EXOC4: variants seen among roughly 807,000 people sequenced by gnomAD.
EXOC4 encodes SEC8-like 1.
EXOC4 carries 71 observed loss-of-function variants against 107.2 expected under a neutral mutation model. The observed-to-expected ratio is 0.66, with a 90% CI of 0.55 to 0.81. The LOEUF is 0.81. EXOC4 is among the 30% of genes least tolerant of loss of function. The pLI is 0.00. For missense variants in EXOC4, 1,108 were observed against 1,189.6 expected, an observed-to-expected ratio of 0.93 and a Z score of 1.01; for synonymous variants, 456 against 441.2, an observed-to-expected ratio of 1.03 and a Z score of -0.42.
At chr7:133,634,600 G>C (rs533652267) in intron 10 of EXOC4, among the ~76,000 whole-genome samples, 1 of 152,014 alleles carries the variant, frequency 6.6e-6, no homozygotes, top group South Asian at 2.1e-4. Flanking sequence ...AGCAATTCTC[G>C]TGCCTCAGCC....
intron 9 of EXOC4, among the ~76,000 whole-genome samples, chr7:133,612,122 A>T (rs1175026001): frequency 1.3e-5 from 2 of 152,122 alleles, no homozygotes; most frequent in Admixed American, 6.6e-5. Flanking sequence ...AACACTTAGG[A>T]TATATTATTA....
At chr7:133,435,731 G>C (rs1010370728) in intron 7 of EXOC4, among the ~76,000 whole-genome samples, 5 of 151,898 alleles carry the variant, frequency 3.3e-5, no homozygotes, top group Admixed American at 1.3e-4. Flanking sequence ...CTGTATTTGT[G>C]TTACTTAAGT....
At chr7:133,967,322 T>C (rs1801094890) in intron 14 of EXOC4, among the ~76,000 whole-genome samples, 1 of 152,080 alleles carries the variant, frequency 6.6e-6, no homozygotes, top group Non-Finnish European at 1.5e-5. Context: ...CTCTGTCTCT[T>C]TCAATTCTGC....
At chr7:133,528,395 C>T (rs775430332) in intron 9 of EXOC4, among the ~76,000 whole-genome samples, 7 of 152,046 alleles carry the variant, frequency 4.6e-5, no homozygotes, top group African/African-American at 1.7e-4. Context: ...AACTTAAGTG[C>T]GACATCAGTG....
At chr7:133,579,448 A>G (rs1801201716) in intron 9 of EXOC4, among the ~76,000 whole-genome samples, 1 of 152,148 alleles carries the variant, frequency 6.6e-6, no homozygotes, top group Admixed American at 6.5e-5. Flanking sequence ...ATTTATCTTT[A>G]TCATGTAGTT....
In EXOC4 at chr7:133,282,192, TTC is replaced by T. The variant is rs568212770; in HGVS notation, c.277-6726_277-6725del. ...AAAAGAGGGCTGCAAAAATTTCAACTTCTCTGCCGTCTGTATCATCTCACATT... is the reference window on the plus strand; with the variant it reads ...AAAAGAGGGCTGCAAAAATTTCAACTTCTGCCGTCTGTATCATCTCACATT... On this transcript the variant is annotated intron_variant, in intron 2 of 17. Coordinates refer to ENST00000253861, the MANE Select transcript of EXOC4 (RefSeq NM_021807.4). Among the ~76,000 whole-genome samples the T allele has an allele frequency of 2.7e-3, 418 of 152,330 alleles. 3 individuals are homozygous for T. Among genetic ancestry groups the T allele is most frequent in the African/African-American group, 9.1e-3 (377 of 41,568 alleles).
At chr7:133,540,013 G>A (rs1291452623) in intron 9 of EXOC4, among the ~76,000 whole-genome samples, 1 of 151,846 alleles carries the variant, frequency 6.6e-6, no homozygotes, top group Non-Finnish European at 1.5e-5. Context: ...CTGTAATTCA[G>A]GTGTGAAAAA....
chr7:133,604,706 CTTTCTTTTTTT>C lies in EXOC4; in HGVS notation c.1418-25335_1418-25325del, dbSNP rs1470031587. ...TTTTTCTTTCCTTCCTTCCTTCCTT[CTTTCTTTTTTT>C]TTTTTTTTTTTTTTTTTTTTTTTTG... is the stretch of plus-strand genomic sequence containing the variant. On this transcript the variant is annotated intron_variant, in intron 9 of 17. Transcript: ENST00000253861. 2.1e-3 allele frequency among the ~76,000 whole-genome samples: 185 copies of C among 87,544 alleles called. 10 individuals carry two copies. Among genetic ancestry groups the C allele is most frequent in the East Asian group, 0.012 (39 of 3,230 alleles). 57.4% of individuals were successfully genotyped at this position (87,544 alleles called of 152,430 possible).
chr7:133,253,375 G>A (rs748046146), intron 1 of EXOC4, 188 bp downstream of exon 1: 102 of 1,395,426 alleles, frequency 7.3e-5, no homozygotes, highest in Non-Finnish European at 9.4e-5. Context: ...TTTTTCTGGG[G>A]TTAGCTATAG....
chr7:133,485,940 A>G (rs943870060), intron 9 of EXOC4, among the ~76,000 whole-genome samples: 2 of 152,128 alleles, frequency 1.3e-5, no homozygotes, highest in African/African-American at 4.8e-5. Context: ...TGTATACTCA[A>G]TTTCCATTAT....
chr7:133,752,285 A>G (rs1213788764), intron 10 of EXOC4, among the ~76,000 whole-genome samples: 3 of 152,290 alleles, frequency 2.0e-5, no homozygotes, highest in Non-Finnish European at 2.9e-5. Context: ...TAAAAGGCGG[A>G]CTCTGTGATG....
At chr7:133,731,138 T>C (rs1795317574) in intron 10 of EXOC4, among the ~76,000 whole-genome samples, 1 of 152,208 alleles carries the variant, frequency 6.6e-6, no homozygotes, top group Non-Finnish European at 1.5e-5. Flanking sequence ...GAAAATTTGA[T>C]GTGGTTGTTA....
intron 11 of EXOC4, among the ~76,000 whole-genome samples, chr7:133,823,880 A>AT (rs1455544565): frequency 0.026 from 532 of 20,784 alleles, 39 homozygotes; most frequent in Non-Finnish European, 0.028. Flanking sequence ...TATTATATAT[A>AT]TATATATATA....
chr7:133,973,419 T>C (rs1426749786), intron 14 of EXOC4, among the ~76,000 whole-genome samples: 1 of 152,094 alleles, frequency 6.6e-6, no homozygotes, highest in Non-Finnish European at 1.5e-5. Flanking sequence ...AGTCACATTA[T>C]GGAGGGTAAA....
intron 10 of EXOC4, among the ~76,000 whole-genome samples, chr7:133,726,579 T>C (rs1458905215): frequency 6.6e-6 from 1 of 152,242 alleles, no homozygotes; most frequent in Non-Finnish European, 1.5e-5. Flanking sequence ...CAATAGGCTC[T>C]GCAATTTTGC....
intron 1 of EXOC4, among the ~76,000 whole-genome samples, chr7:133,269,251 G>A (rs1793808709): frequency 6.6e-6 from 1 of 152,186 alleles, no homozygotes; most frequent in Admixed American, 6.5e-5. Context: ...ATGAGAGTAT[G>A]TGTCCTGCAG....
chr7:133,779,804 T>A (rs1293576922), intron 10 of EXOC4, among the ~76,000 whole-genome samples: 1 of 152,042 alleles, frequency 6.6e-6, no homozygotes, highest in African/African-American at 2.4e-5. Context: ...CAATCAGCTC[T>A]CTGTAAAATG....
intron 17 of EXOC4, among the ~76,000 whole-genome samples, chr7:134,026,105 A>C (rs1339829661): frequency 6.6e-5 from 10 of 152,128 alleles, no homozygotes; most frequent in Non-Finnish European, 2.9e-5. Flanking sequence ...AAATTTCTTG[A>C]ATCATGAAGC....
chr7:133,950,354 A>G (rs759228060), intron 14 of EXOC4, among the ~76,000 whole-genome samples: 5 of 152,182 alleles, frequency 3.3e-5, no homozygotes, highest in Non-Finnish European at 7.3e-5. Context: ...AACTATTTTA[A>G]GCCTGAAAAA....
Sources: allele counts gnomAD v4.1 joint callset (sites outside exome capture counted in the v4.1 genomes callset), GRCh38; gene constraint gnomAD v4.1.1; transcripts MANE v1.5; gene names NCBI Gene and HGNC (gene_info 2026-07-23, HGNC 2026-07-21).